The following DNAH9 variants were observed in gnomAD, a reference collection of about 807,000 sequenced individuals.
DNAH9 encodes the protein DNAH9 variant protein.
In DNAH9, 345 loss-of-function variants were observed where a neutral mutation model predicts 471.6. That is an observed-to-expected ratio of 0.73 (90% CI 0.67 to 0.80). The LOEUF (loss-of-function observed/expected upper bound fraction) is 0.80. Among genes scored for constraint, DNAH9 ranks in the 30% least tolerant of loss-of-function variants. DNAH9 has a pLI of 0.00. For synonymous variants in DNAH9, 2,093 were observed against 2,123.6 expected, an observed-to-expected ratio of 0.99 and a Z score of 0.40; for missense variants, 5,407 against 5,609.2, an observed-to-expected ratio of 0.96 and a Z score of 1.15.
intron 1 of DNAH9, among the ~76,000 whole-genome samples, chr17:11,602,390 C>G (rs141227397): frequency 0.012 from 1,827 of 152,292 alleles, 21 homozygotes; most frequent in Non-Finnish European, 0.018. Flanking sequence ...ATCCTTGTCA[C>G]CTTGCTGTAA....
chr17:11,856,610 G>A (rs550487692), intron 50 of DNAH9, among the ~76,000 whole-genome samples: 58 of 151,712 alleles, frequency 3.8e-4, no homozygotes, highest in Non-Finnish European at 1.8e-4. Flanking sequence ...GGAGGCTGAG[G>A]CAGGAGAATG....
chr17:11,647,645 A>G (rs926040167), intron 12 of DNAH9, among the ~76,000 whole-genome samples: 14 of 152,206 alleles, frequency 9.2e-5, no homozygotes, highest in African/African-American at 3.4e-4. Context: ...TCTGAAGGCC[A>G]TTGACTAGAT....
intron 26 of DNAH9, 51 bp from the exon 27 acceptor site, chr17:11,719,283 A>C: frequency 1.3e-6 from 2 of 1,581,842 alleles, no homozygotes; most frequent in Non-Finnish European, 1.7e-6. Context: ...CCTTAGTCCT[A>C]TCTCACTGGG....
chr17:11,728,708 G>C (rs549946979), intron 28 of DNAH9, among the ~76,000 whole-genome samples: 123 of 152,264 alleles, frequency 8.1e-4, no homozygotes, highest in Admixed American at 2.7e-3. Context: ...GAGGGTGAAG[G>C]GGGGGAACGT....
chr17:11,967,505 C>T (rs28869604), intron 68 of DNAH9, among the ~76,000 whole-genome samples: 46 of 152,154 alleles, frequency 3.0e-4, no homozygotes, highest in African/African-American at 1.0e-3. Flanking sequence ...TCTGGTAATA[C>T]AAGAGAAGAC....
intron 61 of DNAH9, among the ~76,000 whole-genome samples, chr17:11,909,080 T>G (rs1973701739): frequency 6.6e-6 from 1 of 152,192 alleles, no homozygotes; most frequent in South Asian, 2.1e-4. Context: ...ATCCACGAAC[T>G]CAAACATTTA....
At chr17:11,919,096 G>T (rs1478476548) in intron 61 of DNAH9, among the ~76,000 whole-genome samples, 1 of 152,082 alleles carries the variant, frequency 6.6e-6, no homozygotes, top group Non-Finnish European at 1.5e-5. Context: ...CATTGACAGG[G>T]CAGTGTACAG....
intron 19 of DNAH9, among the ~76,000 whole-genome samples, chr17:11,689,233 A>C (rs1475281189): frequency 6.6e-6 from 1 of 152,148 alleles, no homozygotes; most frequent in Admixed American, 6.5e-5. Flanking sequence ...CAACAGCTAG[A>C]TGAAGGGCAG....
intron 39 of DNAH9, among the ~76,000 whole-genome samples, chr17:11,783,247 G>A (rs951532897): frequency 6.6e-6 from 1 of 152,202 alleles, no homozygotes; most frequent in Admixed American, 6.5e-5. Flanking sequence ...CCCAACCAGA[G>A]ATGGAAGCTA....
chr17:11,598,503 G>T lies in DNAH9; in HGVS notation c.5G>T (p.Arg2Leu), dbSNP rs983977668. MRLAEERAALAA... is the reference protein window; with the variant it reads MLLAEERAALAA... ...TGCAGCTGGAGGCCGCGCGCGATGC[G>T]GCTCGCGGAGGAGCGGGCCGCGCTC... is the stretch of plus-strand genomic sequence containing the variant. Residue 2 changes from arginine (R) to leucine (L), a missense_variant, in exon 1 of 69, where the codon CGG (arginine) becomes CTG (leucine). Physicochemically the swap from Arg to Leu is moderately radical, Grantham distance 102. Transcript: ENST00000262442. 7.4e-6 allele frequency: 10 copies of T among 1,357,284 alleles called. No homozygotes were observed. In the African/African-American group the frequency reaches 1.4e-4, roughly 19 times the overall value. The allele number at this position is 1,357,284 out of a possible 1,614,324, so 84.1% of individuals were successfully genotyped here. A position where few individuals can be genotyped will look rare whatever the true frequency, so the allele number is the denominator to read the frequency against.
At chr17:11,640,181 A>T in intron 9 of DNAH9, 89 bp from the exon 10 acceptor site, 3 of 738,368 alleles carry the variant, frequency 4.1e-6, no homozygotes, top group Non-Finnish European at 6.9e-6. Flanking sequence ...AATGAGGCAA[A>T]AGTGGAGTAC....
intron 28 of DNAH9, among the ~76,000 whole-genome samples, chr17:11,738,504 C>T (rs2075384313): frequency 6.6e-6 from 1 of 152,128 alleles, no homozygotes; most frequent in Admixed American, 6.5e-5. Context: ...CCTCAGCCTC[C>T]CGAGTAACTG....
At chr17:11,866,338 C>T (rs535037079) in intron 50 of DNAH9, among the ~76,000 whole-genome samples, 9 of 152,230 alleles carry the variant, frequency 5.9e-5, no homozygotes, top group Non-Finnish European at 1.3e-4. Flanking sequence ...AGTGGTTTTT[C>T]TTGAACCGCG....
intron 1 of DNAH9, among the ~76,000 whole-genome samples, chr17:11,604,248 T>G (rs2072449888): frequency 6.6e-6 from 1 of 152,088 alleles, no homozygotes; most frequent in Non-Finnish European, 1.5e-5. Context: ...GGTCTCAAAC[T>G]CCTGACCTCG....
chr17:11,874,930 G>A lies in DNAH9; in HGVS notation c.10243-19G>A. ...TCTGCTTCTGTTCTGAGCGTGGGGT[G>A]GTGTTTCTTCTTCACCAGACTCCCA... On this transcript the variant is annotated intron_variant, in intron 52 of 68. Coordinates refer to ENST00000262442, the MANE Select transcript of DNAH9 (RefSeq NM_001372.4). 1.3e-6 allele frequency: 2 copies of A among 1,562,684 alleles called. No individual in the cohort carries two copies. The highest frequency in any genetic ancestry group is 2.2e-5 in the East Asian group (1 of 44,578).
intron 45 of DNAH9, among the ~76,000 whole-genome samples, chr17:11,815,597 T>C (rs916645196): frequency 2.0e-5 from 3 of 152,096 alleles, no homozygotes; most frequent in Admixed American, 2.0e-4. Context: ...AAGGCCAACC[T>C]GGGCAACATG....
intron 48 of DNAH9, among the ~76,000 whole-genome samples, chr17:11,832,780 G>T (rs1970720080): frequency 6.6e-6 from 1 of 152,182 alleles, no homozygotes; most frequent in Admixed American, 6.5e-5. Context: ...AGTAACCTTT[G>T]GTTGTTGCGT....
intron 26 of DNAH9, among the ~76,000 whole-genome samples, chr17:11,706,170 C>T (rs577384799): frequency 2.0e-5 from 3 of 152,196 alleles, no homozygotes; most frequent in South Asian, 2.1e-4. Context: ...GCTCAGTAAT[C>T]GATCCCTATT....
chr17:11,641,576 A>T (rs921113156), intron 10 of DNAH9, among the ~76,000 whole-genome samples: 1 of 152,168 alleles, frequency 6.6e-6, no homozygotes, highest in Non-Finnish European at 1.5e-5. Flanking sequence ...GAAATGCCTG[A>T]TTCTCCAGGC....
Sources: allele counts gnomAD v4.1 joint callset (sites outside exome capture counted in the v4.1 genomes callset), GRCh38; gene constraint gnomAD v4.1.1; transcripts MANE v1.5; gene names NCBI Gene and HGNC (gene_info 2026-07-23, HGNC 2026-07-21).